DDX4: variants seen among roughly 807,000 people sequenced by gnomAD.
The protein encoded by DDX4 is DEAD-box helicase 4.
DDX4 carries 25 observed loss-of-function variants against 100.0 expected under a neutral mutation model. The observed-to-expected ratio is 0.25, with a 90% CI of 0.18 to 0.35. The LOEUF is 0.35. Among genes scored for constraint, DDX4 ranks in the 10% least tolerant of loss-of-function variants. DDX4 has a pLI of 1.00. For synonymous variants in DDX4, 259 were observed against 275.7 expected (o/e 0.94, Z 0.60); for missense variants, 635 against 882.4 (o/e 0.72, Z 3.55).
At chr5:55,786,773 C>T (rs1580573833) in intron 14 of DDX4, 103 bp downstream of exon 14, 1 of 848,768 alleles carries the variant, frequency 1.2e-6, no homozygotes, top group East Asian at 2.4e-5. Flanking sequence ...TAGATGGTTT[C>T]AGTTACCTGT....
At chr5:55,776,315 G>A (rs933865302) in intron 7 of DDX4, among the ~76,000 whole-genome samples, 2 of 152,170 alleles carry the variant, frequency 1.3e-5, no homozygotes, top group Admixed American at 1.3e-4. Context: ...GATAGACTAA[G>A]ACCTGTGGTT....
intron 18 of DDX4, among the ~76,000 whole-genome samples, chr5:55,800,071 C>T (rs2112111350): frequency 6.6e-6 from 1 of 152,232 alleles, no homozygotes; most frequent in South Asian, 2.1e-4. Flanking sequence ...ATAATATACA[C>T]TAATAGCATA....
At chr5:55,785,388 T>G in intron 11 of DDX4, 44 bp downstream of exon 11, 1 of 1,580,514 alleles carries the variant, frequency 6.3e-7, no homozygotes, top group Non-Finnish European at 8.7e-7. Flanking sequence ...ATAGTGAGAG[T>G]TCTTTTACCT....
chr5:55,763,387 A>G (rs1242704070), intron 5 of DDX4, 135 bp downstream of exon 5: 5 of 620,006 alleles, frequency 8.1e-6, no homozygotes, highest in African/African-American at 7.4e-5. Context: ...CCTTTGCACT[A>G]AAGATTATCT....
rs528171437 is a variant in DDX4 at position 55,785,403 on chromosome 5, A to G, written c.674-44A>G. On this transcript the variant is annotated intron_variant, in intron 11 of 21. Coordinates refer to ENST00000505374, the MANE Select transcript of DDX4 (RefSeq NM_024415.3). ...ATAGTGAGAGTTCTTTTACCTTTCA[A>G]TTTTAAAAAACATGTATCTCTTTTT... The G allele has an allele frequency of 3.1e-5, 49 of 1,591,192 alleles. 2 individuals carry two copies. In the South Asian group the frequency reaches 4.4e-4, roughly 14 times the overall value.
In DDX4 at chr5:55,763,184, A is replaced by C. The variant is rs1177641216; in HGVS notation, c.215A>C (p.Glu72Ala). The C allele has an allele frequency of 1.9e-6, 3 of 1,609,586 alleles. No individual in the cohort carries two copies. In the African/African-American group the frequency reaches 4.0e-5, roughly 22 times the overall value. ...GTCCACCCTTTTTCAGATGCTGGTG[A>C]GTGTAATAAGCGAGATAATACATCC... Reference protein sequence around the residue: ...GRNFGNRDAGECNKRDNTSTM... With the variant: ...GRNFGNRDAGACNKRDNTSTM... The change falls in exon 5 of 22, where the codon GAG (glutamate) becomes GCG (alanine). Residue 72 changes from glutamate (E) to alanine (A), a missense_variant. Coordinates refer to ENST00000505374, the MANE Select transcript of DDX4 (RefSeq NM_024415.3).
intron 15 of DDX4, among the ~76,000 whole-genome samples, chr5:55,789,575 G>A (rs1742433040): frequency 6.6e-6 from 1 of 152,170 alleles, no homozygotes; most frequent in African/African-American, 2.4e-5. Flanking sequence ...TTGTCCTTCT[G>A]CCACATTCTC....
Position 55,746,544 on chromosome 5 carries a change from T to C in DDX4, c.127+323T>C, listed in dbSNP as rs150335750. On this transcript the variant is annotated intron_variant, in intron 3 of 21. Coordinates refer to ENST00000505374, the MANE Select transcript of DDX4 (RefSeq NM_024415.3). ...CATAAGGGAGTAGAATATAGGACTA[T>C]AAGGTTGTCGAAGCAGGTTACAATG... 9.1e-4 allele frequency among the ~76,000 whole-genome samples: 138 copies of C among 152,324 alleles called. No individual in the cohort carries two copies. The Middle Eastern group carries it at 0.01, about 11-fold the overall frequency.
chr5:55,796,416 G>T (rs1742940744), intron 17 of DDX4, among the ~76,000 whole-genome samples: 1 of 152,098 alleles, frequency 6.6e-6, no homozygotes, highest in Non-Finnish European at 1.5e-5. Context: ...TATCAATTTT[G>T]CCCTGCTCAC....
At chr5:55,806,643 G>C (rs527617882) in intron 18 of DDX4, among the ~76,000 whole-genome samples, 24 of 152,350 alleles carry the variant, frequency 1.6e-4, no homozygotes, top group African/African-American at 5.8e-4. Context: ...TTTTGAGTGA[G>C]TTTCTTAATC....
In DDX4 at chr5:55,798,830, C is replaced by G. The variant is rs1743125884; in HGVS notation, c.1615+259C>G. On this transcript the variant is annotated intron_variant, in intron 18 of 21. Transcript: ENST00000505374. ...TTTAACTATTCCACCAGAAATGTATCTATTTTTTGTTTTAGGAAACTAGAA... is the reference window on the plus strand; with the variant it reads ...TTTAACTATTCCACCAGAAATGTATGTATTTTTTGTTTTAGGAAACTAGAA... Among the ~76,000 whole-genome samples, 3 of 152,060 alleles carry G rather than the reference C, an allele frequency of 2.0e-5. No homozygotes were observed. In the South Asian group the frequency reaches 6.2e-4, roughly 31 times the overall value.
intron 7 of DDX4, among the ~76,000 whole-genome samples, chr5:55,772,767 C>A (rs1741329590): frequency 6.6e-6 from 1 of 152,192 alleles, no homozygotes; most frequent in Non-Finnish European, 1.5e-5. Context: ...AGCTCCCTTT[C>A]ACCTTCAGCC....
At chr5:55,801,133 G>A (rs1743270568) in intron 18 of DDX4, among the ~76,000 whole-genome samples, 1 of 151,518 alleles carries the variant, frequency 6.6e-6, no homozygotes, top group South Asian at 2.1e-4. Context: ...ACAGCTCACA[G>A]GCCACATGCA....
chr5:55,738,880 T>A (rs1758832939), intron 1 of DDX4, 70 bp from the exon 2 acceptor site: 1 of 916,876 alleles, frequency 1.1e-6, no homozygotes, highest in South Asian at 1.4e-5. Context: ...AAACAATGAG[T>A]TTATGCTTTT....
chr5:55,802,013 C>G (rs1227585098), intron 18 of DDX4, among the ~76,000 whole-genome samples: 7 of 152,132 alleles, frequency 4.6e-5, no homozygotes, highest in Non-Finnish European at 8.8e-5. Flanking sequence ...ACCAGGTCAG[C>G]TTATATGGGA....
intron 3 of DDX4, among the ~76,000 whole-genome samples, chr5:55,746,772 C>T (rs1014141307): frequency 6.6e-6 from 1 of 152,148 alleles, no homozygotes; most frequent in African/African-American, 2.4e-5. Context: ...TTGGTTGCCC[C>T]TCCCACCATC....
In DDX4 at chr5:55,786,681, C is replaced by A; in HGVS notation, c.1017+11C>A. On this transcript the variant is annotated intron_variant, in intron 14 of 21. Coordinates refer to ENST00000505374, the MANE Select transcript of DDX4 (RefSeq NM_024415.3). ...GGGTCTGGGAAGACTGTAAGTCTTT[C>A]CCCACATGTCCAAACTGTTAGGTTT... 6.2e-7 allele frequency: 1 copy of A among 1,607,680 alleles called. No individual in the cohort carries two copies. The highest frequency in any genetic ancestry group is 8.5e-7 in the Non-Finnish European group (1 of 1,175,768).
At chr5:55,752,288 T>G (rs1213799837) in intron 3 of DDX4, among the ~76,000 whole-genome samples, 3 of 148,586 alleles carry the variant, frequency 2.0e-5, no homozygotes, top group Non-Finnish European at 4.5e-5. Flanking sequence ...ACCCACTAAC[T>G]CGTCATCTAG....
At chr5:55,806,788 G>C (rs141560959) in intron 18 of DDX4, among the ~76,000 whole-genome samples, 1 of 152,180 alleles carries the variant, frequency 6.6e-6, no homozygotes, top group Non-Finnish European at 1.5e-5. Flanking sequence ...GTGCTGAGAA[G>C]ACTGTATATT....
Sources: gnomAD v4.1 joint callset for allele counts (sites outside exome capture counted in the v4.1 genomes callset) on GRCh38, gnomAD v4.1.1 for gene constraint, MANE v1.5 for transcripts, NCBI Gene and HGNC (gene_info 2026-07-23, HGNC 2026-07-21) for gene names.